The following DPP6 variants were observed in gnomAD, a reference collection of about 807,000 sequenced individuals.
The protein encoded by DPP6 is A-type potassium channel modulatory protein DPP6.
A neutral mutation model predicts 122.6 loss-of-function variants in DPP6; 69 were observed. The ratio of observed to expected loss-of-function variants is 0.56; its 90% CI spans 0.46 to 0.69. The LOEUF is 0.69. DPP6 is among the 30% of genes least tolerant of loss of function. The pLI is 0.00. For synonymous variants in DPP6, 418 were observed against 433.1 expected, an observed-to-expected ratio of 0.97 and a Z score of 0.43; for missense variants, 928 against 1,116.9, an observed-to-expected ratio of 0.83 and a Z score of 2.41.
chr7:153,921,759 C>G (rs1413341070), intron 1 of DPP6, among the ~76,000 whole-genome samples: 1 of 152,216 alleles, frequency 6.6e-6, no homozygotes, highest in Non-Finnish European at 1.5e-5. Flanking sequence ...TGGATTAGGA[C>G]ACATCACTTA....
intron 1 of DPP6, among the ~76,000 whole-genome samples, chr7:154,060,259 ACCCCCCGCGAGGCAGGGACTGAGAG>A (rs1801530506): frequency 8.8e-6 from 1 of 113,764 alleles, no homozygotes; most frequent in Non-Finnish European, 1.8e-5. Flanking sequence ...GGGCGGAGGC[ACCCCCCGCGAGGCAGGGACTGAGAG>A]GCAATCCCTC....
At position 153,941,379 on chromosome 7, in the gene DPP6, A is replaced by G. The variant is rs529237404; in HGVS notation, c.51+53645A>G. Among the ~76,000 whole-genome samples, 5 of 152,320 alleles carry G rather than the reference A, an allele frequency of 3.3e-5. No individual in the cohort carries two copies. The South Asian group carries it at 1.0e-3, about 32-fold the overall frequency. On this transcript the variant is annotated intron_variant, in intron 1 of 25. Coordinates refer to the DPP6 transcript ENST00000404039. ...AGCAGGTCCCTGACCACAGATGTCC[A>G]TGGTGGGAGGTGGTGCTGGGTGATG...
At position 153,922,403 on chromosome 7, in the gene DPP6, G is replaced by A. The variant is rs528598696; in HGVS notation, c.51+34669G>A. ...ATTCCCAGCTGCTTGGGAGGCTAAG[G>A]TAGGAGGATCACCTGAGCCTGGGAG... On this transcript the variant is annotated intron_variant, in intron 1 of 25. Coordinates refer to the DPP6 transcript ENST00000404039. 1.6e-4 allele frequency among the ~76,000 whole-genome samples: 24 copies of A among 152,194 alleles called. No homozygotes were observed. The South Asian group carries it at 5.0e-3, about 32-fold the overall frequency.
chr7:153,853,680 G>A, the DPP6 span, among the ~76,000 whole-genome samples: 1 of 152,184 alleles, frequency 6.6e-6, no homozygotes, highest in African/African-American at 2.4e-5. Flanking sequence ...GGAACTCCTG[G>A]ATCTATGGGT....
chr7:154,060,335 A>C (rs1485230864), intron 1 of DPP6, among the ~76,000 whole-genome samples: 1 of 122,062 alleles, frequency 8.2e-6, no homozygotes, highest in Non-Finnish European at 1.7e-5. Context: ...CAGGAGGGGG[A>C]GGCACCCCCC....
intron 1 of DPP6, among the ~76,000 whole-genome samples, chr7:154,224,950 C>T (rs972714850): frequency 1.3e-5 from 2 of 152,040 alleles, no homozygotes; most frequent in Non-Finnish European, 1.5e-5. Flanking sequence ...TGAGACCAAC[C>T]TGGCCAACAT....
the DPP6 span, among the ~76,000 whole-genome samples, chr7:153,775,784 G>A: frequency 6.6e-6 from 1 of 152,198 alleles, no homozygotes; most frequent in Admixed American, 6.5e-5. Context: ...CTGTGTTCTA[G>A]CAGTGCATAT....
intron 1 of DPP6, among the ~76,000 whole-genome samples, chr7:154,308,318 A>AC (rs1487263272): frequency 6.6e-6 from 1 of 151,864 alleles, no homozygotes; most frequent in Non-Finnish European, 1.5e-5. Flanking sequence ...GTTTGCTAAA[A>AC]AAAATGTGTA....
chr7:154,238,633 T>G (rs1463071186), intron 1 of DPP6, among the ~76,000 whole-genome samples: 1 of 152,226 alleles, frequency 6.6e-6, no homozygotes. Flanking sequence ...TCAAGCACAC[T>G]GGTTCCAGAG....
chr7:154,188,053 A>G (rs1300787121), intron 1 of DPP6, among the ~76,000 whole-genome samples: 3 of 151,928 alleles, frequency 2.0e-5, no homozygotes, highest in African/African-American at 4.8e-5. Flanking sequence ...TCTCAATGTC[A>G]GAGCACGATG....
intron 1 of DPP6, among the ~76,000 whole-genome samples, chr7:154,178,241 A>G (rs1797903077): frequency 1.3e-5 from 2 of 152,334 alleles, no homozygotes; most frequent in South Asian, 4.1e-4. Flanking sequence ...TCCTCCAATT[A>G]CTATAGAAAA....
chr7:154,562,106 T>G (rs115163551), intron 4 of DPP6, among the ~76,000 whole-genome samples: 1 of 152,052 alleles, frequency 6.6e-6, no homozygotes, highest in Non-Finnish European at 1.5e-5. Context: ...AGGGCAGTAT[T>G]ACCCTGAAAT....
chr7:154,486,367 C>T lies in DPP6; in HGVS notation c.457+11330C>T, dbSNP rs1182691666. On this transcript the variant is annotated intron_variant, in intron 3 of 25. Transcript: ENST00000377770. The surrounding 1 kb of genome is among the most constrained non-coding windows in gnomAD (Gnocchi z 4.5). ...CAGGCTGGTCTCGAACTACTGACCT[C>T]GTGATCTGCCTACCTCGACCACCTA... 2.0e-5 allele frequency among the ~76,000 whole-genome samples: 3 copies of T among 152,136 alleles called. No homozygotes were observed. The highest frequency in any genetic ancestry group is 4.8e-5 in the African/African-American group (2 of 41,432).
In DPP6 at chr7:154,794,322, C is replaced by G. The variant is rs1231416044; in HGVS notation, c.1260+120C>G. On this transcript the variant is annotated intron_variant, in intron 11 of 25. Coordinates refer to ENST00000377770, the MANE Select transcript of DPP6 (RefSeq NM_130797.4). ...TGGGACTTGGGGACCGGCCGCCCAG[C>G]TGCTGCGGGGAGCCCGCGGCGCAGA... 4 of 1,370,354 alleles carry G rather than the reference C, an allele frequency of 2.9e-6. No homozygotes were observed. In the African/African-American group the frequency reaches 6.0e-5, roughly 21 times the overall value. 84.9% of individuals were successfully genotyped at this position (1,370,354 alleles called of 1,614,324 possible).
intron 5 of DPP6, among the ~76,000 whole-genome samples, chr7:154,571,879 A>G (rs1831132679): frequency 6.6e-6 from 1 of 152,220 alleles, no homozygotes; most frequent in Admixed American, 6.5e-5. Flanking sequence ...AACATGTATC[A>G]TCCCAGTTTC....
chr7:154,467,723 C>A (rs1030685424), intron 2 of DPP6, among the ~76,000 whole-genome samples: 1 of 152,200 alleles, frequency 6.6e-6, no homozygotes, highest in African/African-American at 2.4e-5. Context: ...AATGTTTCTA[C>A]AGATATAAAT....
intron 1 of DPP6, among the ~76,000 whole-genome samples, chr7:154,363,648 G>T (rs2151102788): frequency 6.6e-6 from 1 of 152,204 alleles, no homozygotes; most frequent in East Asian, 1.9e-4. Flanking sequence ...GACAGCTGGT[G>T]GTTTGCTTAT....
intron 1 of DPP6, among the ~76,000 whole-genome samples, chr7:153,973,631 TCGTG>T (rs1796139159): frequency 1.0e-5 from 1 of 99,146 alleles, no homozygotes; most frequent in African/African-American, 3.8e-5. Context: ...TCACCATCGC[TCGTG>T]TGTGTGTGTG....
At chr7:154,001,101 C>A (rs570858723) in intron 1 of DPP6, among the ~76,000 whole-genome samples, 1 of 152,050 alleles carries the variant, frequency 6.6e-6, no homozygotes, top group African/African-American at 2.4e-5. Flanking sequence ...TCCACATCCC[C>A]TGCAGATCAG....
Sources: allele counts gnomAD v4.1 joint callset (sites outside exome capture counted in the v4.1 genomes callset), GRCh38; gene constraint gnomAD v4.1.1; non-coding constraint Gnocchi (gnomAD v3.1); transcripts MANE v1.5; gene names NCBI Gene and HGNC (gene_info 2026-07-23, HGNC 2026-07-21).